Variants in DAPK1 observed in about 807,000 individuals in gnomAD.
The protein encoded by DAPK1 is death associated protein kinase 1.
DAPK1 carries 56 observed loss-of-function variants against 144.9 expected under a neutral mutation model. The ratio of observed to expected loss-of-function variants is 0.39; its 90% CI spans 0.31 to 0.48. The LOEUF is 0.48. Ranked by LOEUF, DAPK1 falls within the 20% of genes least tolerant of loss-of-function variation. DAPK1 has a pLI of 0.95. For missense variants in DAPK1, 1,454 were observed against 1,875.4 expected (o/e 0.78, Z 4.15); for synonymous variants, 690 against 749.0 (o/e 0.92, Z 1.29).
At chr9:87,579,350 T>A (rs939053556) in intron 2 of DAPK1, among the ~76,000 whole-genome samples, 1 of 152,196 alleles carries the variant, frequency 6.6e-6, no homozygotes, top group African/African-American at 2.4e-5. Flanking sequence ...ATTACCCAGA[T>A]AGAGAAGAGG....
In DAPK1 at chr9:87,497,988, GC is replaced by G. The variant is rs1186155542; in HGVS notation, c.-222del. On this transcript the variant is annotated 5_prime_UTR_variant, in exon 1 of 26. Coordinates refer to ENST00000408954, the MANE Select transcript of DAPK1 (RefSeq NM_004938.4). ...GGGCCGGCGCCTGGGAGGGATCTGC[GC>G]CCCCCACTCACTCCCTAGCTGTGTT... The G allele has an allele frequency of 5.0e-6, 2 of 397,162 alleles. No individual in the cohort carries two copies. The highest frequency in any genetic ancestry group is 8.9e-6 in the Non-Finnish European group (2 of 225,554). 24.6% of individuals were successfully genotyped at this position (397,162 alleles called of 1,614,324 possible). A position where few individuals can be genotyped will look rare whatever the true frequency, so the allele number is the denominator to read the frequency against.
At chr9:87,685,665 C>T (rs1274715743) in intron 20 of DAPK1, among the ~76,000 whole-genome samples, 3 of 152,170 alleles carry the variant, frequency 2.0e-5, no homozygotes, top group African/African-American at 4.8e-5. Flanking sequence ...TATGCCTAAA[C>T]GCAGGGGACC....
chr9:87,657,201 C>T (rs1255209190), intron 17 of DAPK1, among the ~76,000 whole-genome samples: 1 of 152,198 alleles, frequency 6.6e-6, no homozygotes, highest in Non-Finnish European at 1.5e-5. Flanking sequence ...TATGTCCTAA[C>T]AGCTTAGCAG....
intron 19 of DAPK1, chr9:87,668,923 C>T: frequency 2.1e-6 from 1 of 474,776 alleles, no homozygotes; most frequent in South Asian, 2.3e-5. Context: ...TTTCCTTCTC[C>T]CACTCTCTCT....
At chr9:87,702,009 T>C (rs558442495) in intron 24 of DAPK1, 5 of 351,282 alleles carry the variant, frequency 1.4e-5, no homozygotes, top group Non-Finnish European at 2.4e-5. Flanking sequence ...CAGGTCTGGA[T>C]TGAGGCTGCA....
At chr9:87,631,041 A>G (rs1432963819) in intron 3 of DAPK1, among the ~76,000 whole-genome samples, 1 of 152,178 alleles carries the variant, frequency 6.6e-6, no homozygotes, top group African/African-American at 2.4e-5. Flanking sequence ...CCTTGAGGCC[A>G]GAATTGGAGC....
chr9:87,626,124 A>G (rs1401981083), intron 3 of DAPK1, among the ~76,000 whole-genome samples: 1 of 152,216 alleles, frequency 6.6e-6, no homozygotes, highest in African/African-American at 2.4e-5. Context: ...AAGTAATAAT[A>G]CCAAGCAAGG....
chr9:87,507,229 T>G (rs1037470352), intron 2 of DAPK1, among the ~76,000 whole-genome samples: 1 of 152,240 alleles, frequency 6.6e-6, no homozygotes, highest in Non-Finnish European at 1.5e-5. Context: ...GCCTTTTTTT[T>G]GAGACGGAAT....
At chr9:87,668,931 T>C in intron 19 of DAPK1, 1 of 438,064 alleles carries the variant, frequency 2.3e-6, no homozygotes, top group Non-Finnish European at 4.1e-6. Flanking sequence ...TCCCACTCTC[T>C]CTATAATAAA....
At chr9:87,697,663 A>C (rs1825307457) in intron 22 of DAPK1, among the ~76,000 whole-genome samples, 1 of 152,212 alleles carries the variant, frequency 6.6e-6, no homozygotes, top group South Asian at 2.1e-4. Context: ...CTAAGAAACA[A>C]AGAAAGAGGC....
At chr9:87,534,730 C>T (rs1213377665) in intron 2 of DAPK1, among the ~76,000 whole-genome samples, 6 of 151,610 alleles carry the variant, frequency 4.0e-5, no homozygotes, top group African/African-American at 7.3e-5. Context: ...CTGCAACCTC[C>T]GCCTCCCAGG....
chr9:87,639,903 T>G, intron 7 of DAPK1, 88 bp downstream of exon 7: 1 of 1,385,028 alleles, frequency 7.2e-7, no homozygotes, highest in Non-Finnish European at 1.0e-6. Flanking sequence ...TGTTGATCTC[T>G]TCAGCTTATG....
chr9:87,558,794 C>T (rs1219351678), intron 2 of DAPK1, among the ~76,000 whole-genome samples: 1 of 152,188 alleles, frequency 6.6e-6, no homozygotes, highest in African/African-American at 2.4e-5. Context: ...CTGCATCTAC[C>T]CATTTGGGCT....
At chr9:87,575,879 T>A (rs1013975273) in intron 2 of DAPK1, among the ~76,000 whole-genome samples, 1 of 152,156 alleles carries the variant, frequency 6.6e-6, no homozygotes, top group Non-Finnish European at 1.5e-5. Context: ...ACTAAGGTGC[T>A]CCCTGGCAAG....
intron 16 of DAPK1, among the ~76,000 whole-genome samples, chr9:87,650,899 T>TA (rs1830420952): frequency 6.6e-6 from 1 of 152,132 alleles, no homozygotes; most frequent in African/African-American, 2.4e-5. Context: ...CAAATGCCAA[T>TA]AGCGCTGAGG....
At chr9:87,638,485 A>C (rs1007284288) in intron 4 of DAPK1, among the ~76,000 whole-genome samples, 2 of 152,220 alleles carry the variant, frequency 1.3e-5, no homozygotes, top group Non-Finnish European at 2.9e-5. Flanking sequence ...ATAATCAAGC[A>C]AACCAAACTC....
At chr9:87,534,604 A>G (rs1272066463) in intron 2 of DAPK1, among the ~76,000 whole-genome samples, 2 of 151,126 alleles carry the variant, frequency 1.3e-5, no homozygotes, top group Non-Finnish European at 2.9e-5. Flanking sequence ...TTCCTGTTAG[A>G]TACCCTTATT....
chr9:87,562,283 G>A (rs779660816), intron 2 of DAPK1, among the ~76,000 whole-genome samples: 7 of 152,232 alleles, frequency 4.6e-5, no homozygotes, highest in Non-Finnish European at 7.3e-5. Context: ...AACCCCAATA[G>A]CGAACGTGAG....
chr9:87,706,544 A>C lies in DAPK1; in HGVS notation c.3473A>C (p.Gln1158Pro). 1.2e-6 allele frequency: 2 copies of C among 1,613,434 alleles called. No individual in the cohort carries two copies. The highest frequency in any genetic ancestry group is 1.7e-6 in the Non-Finnish European group (2 of 1,179,304). Residue 1158 changes from glutamine to proline, a missense_variant, in exon 26 of 26, where the codon CAG becomes CCG. Transcript: ENST00000408954. This position sits in a 1 kb window ranked among gnomAD's most constrained non-coding sequence, Gnocchi z 9.0. Reference sequence around the variant, plus strand: ...GTGAACCTGTGCCGGTGGATCCACCAGCAAAGCACAGAGGGCGACGCGGAC... The same window carrying C: ...GTGAACCTGTGCCGGTGGATCCACCCGCAAAGCACAGAGGGCGACGCGGAC... ...VQVNLCRWIH[Q>P]QSTEGDADIR...
Sources: gnomAD v4.1 joint callset for allele counts (sites outside exome capture counted in the v4.1 genomes callset) on GRCh38, gnomAD v4.1.1 for gene constraint, Gnocchi (gnomAD v3.1) non-coding constraint, MANE v1.5 for transcripts, NCBI Gene and HGNC (gene_info 2026-07-23, HGNC 2026-07-21) for gene names.